Variants in PCTP observed in about 807,000 individuals in gnomAD.
PCTP encodes the protein phosphatidylcholine transfer protein.
PCTP carries 27 observed loss-of-function variants against 31.0 expected under a neutral mutation model. The ratio of observed to expected loss-of-function variants is 0.87; its 90% CI spans 0.64 to 1.20. The LOEUF is 1.20. Among genes scored for constraint, PCTP ranks in the 50% most tolerant of loss-of-function variants. The pLI, the probability that PCTP is intolerant of heterozygous loss-of-function variation, is 0.00. For missense variants in PCTP, 287 were observed against 268.2 expected (o/e 1.07, Z -0.49); for synonymous variants, 108 against 101.2 (o/e 1.07, Z -0.40).
At chr17:55,770,908 T>TTA (rs950722701) in intron 2 of PCTP, 198 bp from the exon 3 acceptor site, 26 of 418,540 alleles carry the variant, frequency 6.2e-5, no homozygotes, top group East Asian at 8.3e-5. Context: ...TTTTTTTTTT[T>TTA]TATATATAGA....
Position 55,771,911 on chromosome 17 carries a change from C to T in PCTP, c.339+726C>T, listed in dbSNP as rs576588660. On this transcript the variant is annotated intron_variant, in intron 3 of 5. Coordinates refer to ENST00000268896, the MANE Select transcript of PCTP (RefSeq NM_021213.4). ...TCACCATGCTCTTCAATCCCAGCAGCGGAGTGTTTTACAGGTTCAATTTCC... is the reference window on the plus strand; with the variant it reads ...TCACCATGCTCTTCAATCCCAGCAGTGGAGTGTTTTACAGGTTCAATTTCC... 4.6e-5 allele frequency among the ~76,000 whole-genome samples: 7 copies of T among 152,142 alleles called. No homozygotes were observed. The South Asian group carries it at 8.3e-4, about 18-fold the overall frequency.
chr17:55,806,539 C>A (rs1004714524), intron 3 of PCTP, among the ~76,000 whole-genome samples: 1 of 152,048 alleles, frequency 6.6e-6, no homozygotes, highest in Non-Finnish European at 1.5e-5. Context: ...GAATATAGGA[C>A]TAGAATAAGA....
At chr17:55,793,604 G>A (rs1334098815) in intron 3 of PCTP, among the ~76,000 whole-genome samples, 1 of 152,036 alleles carries the variant, frequency 6.6e-6, no homozygotes, top group Non-Finnish European at 1.5e-5. Context: ...TTTAATGGAT[G>A]CCATCATTCT....
In PCTP at chr17:55,835,007, C is replaced by T. The variant is rs575655486; in HGVS notation, n.506-7720C>T. Among the ~76,000 whole-genome samples, 21 of 152,038 alleles carry T rather than the reference C, an allele frequency of 1.4e-4. 1 individual carries two copies. Among genetic ancestry groups the T allele is most frequent in the Admixed American group, 2.6e-4 (4 of 15,270 alleles). On this transcript the variant is annotated intron_variant and non_coding_transcript_variant, in intron 5 of 5. Coordinates refer to the PCTP transcript ENST00000576221. The stretch of plus-strand genomic sequence containing the variant: ...GGCCCTAAATCCAATACGATTATGG[C>T]CTTATAAGAAGAGGGAAATTTGGAC...
the PCTP span, among the ~76,000 whole-genome samples, chr17:55,851,267 C>G: frequency 6.6e-6 from 1 of 152,186 alleles, no homozygotes; most frequent in Admixed American, 6.5e-5. Flanking sequence ...AGAATCTTAT[C>G]AGTGCTATCG....
At chr17:55,774,725 C>G in intron 4 of PCTP, 67 bp from the exon 5 acceptor site, 1 of 1,266,262 alleles carries the variant, frequency 7.9e-7, no homozygotes, top group Non-Finnish European at 1.2e-6. Flanking sequence ...AAAGTTTGCA[C>G]AGTTTTGTTG....
chr17:55,752,282 C>T (rs1909755667), intron 1 of PCTP, among the ~76,000 whole-genome samples: 1 of 152,196 alleles, frequency 6.6e-6, no homozygotes. Context: ...AAGTTGCTCA[C>T]CTGTTAAACA....
intron 1 of PCTP, among the ~76,000 whole-genome samples, chr17:55,756,819 G>A (rs1217633559): frequency 6.6e-6 from 1 of 151,964 alleles, no homozygotes; most frequent in Non-Finnish European, 1.5e-5. Context: ...GAGATAGAGG[G>A]AACACTGGGT....
intron 3 of PCTP, among the ~76,000 whole-genome samples, chr17:55,798,009 A>T (rs1912239662): frequency 6.6e-6 from 1 of 152,030 alleles, no homozygotes; most frequent in Non-Finnish European, 1.5e-5. Context: ...AAATAAAAAG[A>T]TGGAAAACTT....
At chr17:55,803,497 G>T (rs145859944) in intron 3 of PCTP, among the ~76,000 whole-genome samples, 4,083 of 152,146 alleles carry the variant, frequency 0.027, 183 homozygotes, top group African/African-American at 0.094. Context: ...GCATGGTCCT[G>T]GTACCAAAAC....
At chr17:55,760,397 A>G (rs555048701) in intron 1 of PCTP, among the ~76,000 whole-genome samples, 1 of 152,334 alleles carries the variant, frequency 6.6e-6, no homozygotes, top group East Asian at 1.9e-4. Flanking sequence ...TATTATGTGC[A>G]CCACATAATA....
chr17:55,821,091 C>T lies in PCTP; in HGVS notation c.318-1670C>T, dbSNP rs537235648. Among the ~76,000 whole-genome samples, 5 of 152,284 alleles carry T rather than the reference C, an allele frequency of 3.3e-5. No homozygotes were observed. The East Asian group carries it at 7.7e-4, about 23-fold the overall frequency. Reference sequence around the variant, plus strand: ...ACACAGGTCAACACACAAACTTGTACGTAAATGTCCATAGGAGCATTTTTC... The same window carrying T: ...ACACAGGTCAACACACAAACTTGTATGTAAATGTCCATAGGAGCATTTTTC... On this transcript the variant is annotated intron_variant, in intron 3 of 3. Transcript: ENST00000572536.
At chr17:55,844,798 A>G (rs116014416), downstream of PCTP, among the ~76,000 whole-genome samples, 883 of 152,192 alleles carry the variant, frequency 5.8e-3, 4 homozygotes, top group African/African-American at 0.018. Flanking sequence ...AGGTTAAATA[A>G]CAATATATAG....
At chr17:55,845,303 AC>A (rs559809148), downstream of PCTP, among the ~76,000 whole-genome samples, 159 of 152,004 alleles carry the variant, frequency 1.0e-3, no homozygotes, top group Non-Finnish European at 2.2e-3. Flanking sequence ...TTCAAGATAA[AC>A]GGAACGTCCC....
At chr17:55,848,241 C>A in the PCTP span, among the ~76,000 whole-genome samples, 3 of 152,204 alleles carry the variant, frequency 2.0e-5, no homozygotes, top group Non-Finnish European at 4.4e-5. Flanking sequence ...ATCTGAGCAA[C>A]CTGCAGCCTA....
chr17:55,769,376 ACTGT>A (rs1910856541), intron 2 of PCTP: 1 of 152,238 alleles, frequency 6.6e-6, no homozygotes, highest in Non-Finnish European at 1.5e-5. Context: ...ACAGCCAGAC[ACTGT>A]CTGTCCAGGC....
At chr17:55,809,413 T>G (rs1029581299) in intron 3 of PCTP, among the ~76,000 whole-genome samples, 2 of 152,170 alleles carry the variant, frequency 1.3e-5, no homozygotes, top group Admixed American at 6.6e-5. Flanking sequence ...TAGAAAACTT[T>G]GTAACATATT....
intron 3 of PCTP, among the ~76,000 whole-genome samples, chr17:55,794,133 CATA>C (rs1170543576): frequency 6.6e-6 from 1 of 151,968 alleles, no homozygotes; most frequent in African/African-American, 2.4e-5. Flanking sequence ...TTTTTTGCAT[CATA>C]ATAAATTAAA....
intron 3 of PCTP, among the ~76,000 whole-genome samples, chr17:55,809,798 G>A (rs929794488): frequency 2.0e-5 from 3 of 152,258 alleles, no homozygotes; most frequent in Admixed American, 6.5e-5. Flanking sequence ...TGGGATTACA[G>A]GCATGAGCCA....
Sources: gnomAD v4.1 joint callset for allele counts (sites outside exome capture counted in the v4.1 genomes callset) on GRCh38, gnomAD v4.1.1 for gene constraint, MANE v1.5 for transcripts, NCBI Gene and HGNC (gene_info 2026-07-23, HGNC 2026-07-21) for gene names.